Variants in MUSK observed in about 807,000 individuals in gnomAD.
MUSK encodes muscle associated receptor tyrosine kinase.
Under a neutral mutation model 88.7 loss-of-function variants are expected in MUSK, and 55 were observed. That is an observed-to-expected ratio of 0.62 (90% confidence interval 0.50 to 0.78). The LOEUF is 0.78. Ranked by LOEUF, MUSK falls within the 30% of genes least tolerant of loss-of-function variation. The probability of loss-of-function intolerance (pLI) is 0.00; values close to 1 mark genes in which losing one functional copy is unlikely to be tolerated. For missense variants in MUSK, 1,015 were observed against 1,074.3 expected (o/e 0.94, Z 0.77); for synonymous variants, 387 against 391.9 (o/e 0.99, Z 0.15).
At position 110,681,110 on chromosome 9, in the gene MUSK, A is replaced by ATATATAT. The variant is rs1564209909; in HGVS notation, c.80-1558_80-1557insTTATATA. ...TAATATATATTATATAATATATATT[A>ATATATAT]TATATAATATATATTATATATATTA... On this transcript the variant is annotated intron_variant, in intron 1 of 14. Coordinates refer to ENST00000374448, the MANE Select transcript of MUSK (RefSeq NM_005592.4). Among the ~76,000 whole-genome samples the ATATATAT allele has an allele frequency of 1.5e-3, 92 of 59,442 alleles. 2 individuals are homozygous for ATATATAT. The highest frequency in any genetic ancestry group is 6.9e-3 in the African/African-American group (85 of 12,234). The allele number at this position is 59,442 out of a possible 152,430, so 39.0% of individuals were successfully genotyped here. A position where few individuals can be genotyped will look rare whatever the true frequency, so the allele number is the denominator to read the frequency against.
At chr9:110,751,542 G>C (rs2077247811) in intron 7 of MUSK, among the ~76,000 whole-genome samples, 1 of 152,210 alleles carries the variant, frequency 6.6e-6, no homozygotes, top group Non-Finnish European at 1.5e-5. Flanking sequence ...CAGCAGCAGA[G>C]GTGAGTGCCT....
chr9:110,683,379 G>A (rs1318767108), intron 2 of MUSK, among the ~76,000 whole-genome samples: 1 of 151,978 alleles, frequency 6.6e-6, no homozygotes, highest in East Asian at 1.9e-4. Context: ...CCATTCATCT[G>A]TTAATGAACA....
intron 6 of MUSK, 64 bp from the exon 7 acceptor site, chr9:110,747,577 T>G: frequency 9.5e-6 from 14 of 1,466,796 alleles, no homozygotes; most frequent in Non-Finnish European, 1.2e-5. Context: ...TCCCTTCAAA[T>G]CTACTGACAT....
At chr9:110,701,708 TA>T (rs2076513701) in intron 5 of MUSK, among the ~76,000 whole-genome samples, 1 of 114 alleles carries the variant, frequency 8.8e-3, no homozygotes, top group Non-Finnish European at 0.013. Flanking sequence ...TATTTTATTT[TA>T]TTTTATTTTA....
intron 5 of MUSK, among the ~76,000 whole-genome samples, chr9:110,713,389 A>C (rs1334016777): frequency 1.3e-5 from 2 of 151,646 alleles, no homozygotes; most frequent in African/African-American, 4.8e-5. Flanking sequence ...CCTCCTGAGT[A>C]GCTAGGATTA....
At chr9:110,730,319 G>A (rs1227864771) in intron 5 of MUSK, among the ~76,000 whole-genome samples, 1 of 152,026 alleles carries the variant, frequency 6.6e-6, no homozygotes, top group Non-Finnish European at 1.5e-5. Flanking sequence ...AGAAAGAGGG[G>A]TTTGATGATT....
At chr9:110,684,401 A>G (rs779181202) in intron 2 of MUSK, among the ~76,000 whole-genome samples, 1 of 151,918 alleles carries the variant, frequency 6.6e-6, no homozygotes, top group Non-Finnish European at 1.5e-5. Context: ...CTGTAGTATG[A>G]TTTGAAGTAA....
At chr9:110,744,782 C>A (rs1020154109) in intron 6 of MUSK, among the ~76,000 whole-genome samples, 3 of 152,126 alleles carry the variant, frequency 2.0e-5, no homozygotes, top group Admixed American at 2.0e-4. Flanking sequence ...GGTCCATATA[C>A]CTGAGTGACT....
intron 6 of MUSK, among the ~76,000 whole-genome samples, chr9:110,734,982 A>T (rs2077010986): frequency 6.6e-6 from 1 of 152,118 alleles, no homozygotes; most frequent in Admixed American, 6.6e-5. Flanking sequence ...TTACCTTCTC[A>T]TGGGGAAATA....
intron 7 of MUSK, among the ~76,000 whole-genome samples, chr9:110,759,709 C>G (rs2077372178): frequency 6.6e-6 from 1 of 152,118 alleles, no homozygotes; most frequent in East Asian, 1.9e-4. Flanking sequence ...AGCCAACAAG[C>G]ATATGAAAAA....
intron 3 of MUSK, among the ~76,000 whole-genome samples, chr9:110,689,242 T>TATAAATATATAA (rs373336403): frequency 1.7e-5 from 2 of 115,618 alleles, no homozygotes; most frequent in Non-Finnish European, 3.2e-5. Flanking sequence ...TATATAAATA[T>TATAAATATATAA]ATAAACTATA....
chr9:110,755,923 T>A lies in MUSK; in HGVS notation c.914-6279T>A, dbSNP rs559109436. Among the ~76,000 whole-genome samples the A allele has an allele frequency of 5.3e-4, 55 of 104,164 alleles. 1 individual carries two copies. Among genetic ancestry groups the A allele is most frequent in the South Asian group, 1.8e-3 (5 of 2,784 alleles). The allele number at this position is 104,164 out of a possible 152,430, so 68.3% of individuals were successfully genotyped here. ...GGTACATTCTCAGTGCCCAGTGCCATATATATATACATATATATATATATA... is the reference window on the plus strand; with the variant it reads ...GGTACATTCTCAGTGCCCAGTGCCAAATATATATACATATATATATATATA... On this transcript the variant is annotated intron_variant, in intron 7 of 14. Transcript: ENST00000374448.
intron 5 of MUSK, among the ~76,000 whole-genome samples, chr9:110,707,980 C>T (rs1564235665): frequency 6.6e-6 from 1 of 152,198 alleles, no homozygotes; most frequent in Non-Finnish European, 1.5e-5. Context: ...GCTGCACTAT[C>T]TACCCTTAAG....
chr9:110,701,884 A>G lies in MUSK; in HGVS notation c.628+4418A>G, dbSNP rs1314454938. The stretch of plus-strand genomic sequence containing the variant: ...ATTTTATTTTATTTTATTTTATTTT[A>G]TTTTATTTTATTTTATTTTATTTTA... On this transcript the variant is annotated intron_variant, in intron 5 of 14. Transcript: ENST00000374448. 2.2e-5 allele frequency among the ~76,000 whole-genome samples: 2 copies of G among 92,510 alleles called. 1 individual carries two copies. The allele number at this position is 92,510 out of a possible 152,430, so 60.7% of individuals were successfully genotyped here. A position where few individuals can be genotyped will look rare whatever the true frequency, so the allele number is the denominator to read the frequency against.
In MUSK at chr9:110,762,217, CTG is replaced by C. The variant is rs940191006; in HGVS notation, c.920+11_920+12del. 1.4e-6 allele frequency: 2 copies of C among 1,426,572 alleles called. No homozygotes were observed. The highest frequency in any genetic ancestry group is 1.8e-6 in the Non-Finnish European group (2 of 1,086,212). The allele number at this position is 1,426,572 out of a possible 1,614,324, so 88.4% of individuals were successfully genotyped here. A position where few individuals can be genotyped will look rare whatever the true frequency, so the allele number is the denominator to read the frequency against. ...CTGTTAATAGAATGGAGGTAAGAAA[CTG>C]TTATTGTAACAATTGTTTCCAATGT... is the stretch of plus-strand genomic sequence containing the variant. On this transcript the variant is annotated intron_variant, in intron 8 of 14. Coordinates refer to ENST00000374448, the MANE Select transcript of MUSK (RefSeq NM_005592.4).
intron 3 of MUSK, among the ~76,000 whole-genome samples, chr9:110,690,022 AT>A (rs2076300412): frequency 1.0e-5 from 1 of 95,956 alleles, no homozygotes; most frequent in African/African-American, 4.3e-5. Flanking sequence ...TATATAATAT[AT>A]ATTATATATT....
At chr9:110,750,001 A>C (rs1030732417) in intron 7 of MUSK, among the ~76,000 whole-genome samples, 1 of 152,294 alleles carries the variant, frequency 6.6e-6, no homozygotes, top group East Asian at 1.9e-4. Context: ...CCTACTGTTA[A>C]ATAAACATAT....
chr9:110,743,259 C>A (rs944522332), intron 6 of MUSK, among the ~76,000 whole-genome samples: 1 of 152,136 alleles, frequency 6.6e-6, no homozygotes, highest in African/African-American at 2.4e-5. Context: ...AGTCCAGCAA[C>A]GTGTCCCAAA....
intron 14 of MUSK, among the ~76,000 whole-genome samples, chr9:110,797,447 G>A (rs1484051106): frequency 1.3e-5 from 2 of 152,014 alleles, no homozygotes; most frequent in African/African-American, 2.4e-5. Context: ...GACAAAGTCA[G>A]GGGTATGACA....
Sources: allele counts gnomAD v4.1 joint callset (sites outside exome capture counted in the v4.1 genomes callset), GRCh38; gene constraint gnomAD v4.1.1; transcripts MANE v1.5; gene names NCBI Gene and HGNC (gene_info 2026-07-23, HGNC 2026-07-21).